FUT8: variants seen among roughly 807,000 people sequenced by gnomAD.
The protein encoded by FUT8 is alpha-(1,6)-fucosyltransferase.
FUT8 carries 29 observed loss-of-function variants against 71.3 expected under a neutral mutation model. The observed-to-expected ratio is 0.41, with a 90% CI of 0.30 to 0.55. The LOEUF (loss-of-function observed/expected upper bound fraction) is 0.55, where lower values mean the gene tolerates loss of function less well. Among genes scored for constraint, FUT8 ranks in the 20% least tolerant of loss-of-function variants. The probability of loss-of-function intolerance (pLI) is 0.34; values close to 1 mark genes in which losing one functional copy is unlikely to be tolerated. For synonymous variants in FUT8, 254 were observed against 239.3 expected, an observed-to-expected ratio of 1.06 and a Z score of -0.57; for missense variants, 544 against 702.1, an observed-to-expected ratio of 0.77 and a Z score of 2.55.
rs115404064 is a variant in FUT8 at position 65,711,366 on chromosome 14, C to G, written c.836-10409C>G. ...AAAATTTGGAGCTAGTTACACTGAA[C>G]ATTTAGAATAACCTTGCTAGGAAGA... is the stretch of plus-strand genomic sequence containing the variant. On this transcript the variant is annotated intron_variant, in intron 7 of 10. Transcript: ENST00000673929. Among the ~76,000 whole-genome samples, 370 of 152,284 alleles carry G rather than the reference C, an allele frequency of 2.4e-3. 2 individuals carry two copies. Among genetic ancestry groups the G allele is most frequent in the African/African-American group, 8.5e-3 (354 of 41,568 alleles).
chr14:65,408,697 A>G (rs1396116549), upstream of FUT8, among the ~76,000 whole-genome samples: 2 of 152,240 alleles, frequency 1.3e-5, no homozygotes, highest in African/African-American at 4.8e-5. Context: ...GAGGCAAGTC[A>G]TAGGGAGGGA....
chr14:65,722,639 G>C (rs779128531), intron 8 of FUT8, among the ~76,000 whole-genome samples: 1 of 152,088 alleles, frequency 6.6e-6, no homozygotes, highest in African/African-American at 2.4e-5. Context: ...GGAATCATTC[G>C]TTCTGCCCAC....
intron 2 of FUT8, among the ~76,000 whole-genome samples, chr14:65,535,188 C>T (rs1051324572): frequency 1.3e-5 from 2 of 151,974 alleles, no homozygotes; most frequent in African/African-American, 2.4e-5. Flanking sequence ...CAGCCTCTGC[C>T]TCCCAGGTTC....
chr14:65,589,409 A>G (rs937386732), intron 3 of FUT8, among the ~76,000 whole-genome samples: 1 of 136,386 alleles, frequency 7.3e-6, no homozygotes, highest in African/African-American at 2.7e-5. Flanking sequence ...TTTGATATTC[A>G]CCCTTTGCTT....
At chr14:65,519,777 A>AT (rs1882961006) in intron 2 of FUT8, among the ~76,000 whole-genome samples, 1 of 151,986 alleles carries the variant, frequency 6.6e-6, no homozygotes, top group South Asian at 2.1e-4. Context: ...TTTATTATTC[A>AT]TTTTTTAATA....
chr14:65,665,817 C>T (rs1892185183), intron 6 of FUT8, among the ~76,000 whole-genome samples: 1 of 152,100 alleles, frequency 6.6e-6, no homozygotes, highest in African/African-American at 2.4e-5. Flanking sequence ...TTATCCTTAG[C>T]AAACTAATGC....
intron 3 of FUT8, among the ~76,000 whole-genome samples, chr14:65,572,556 C>T (rs766133109): frequency 2.6e-5 from 4 of 151,926 alleles, no homozygotes; most frequent in Admixed American, 6.6e-5. Context: ...AGAAAATGTG[C>T]AACAATCCTT....
rs190045726 is a variant in FUT8, at chr14:65,455,119, A to G, written c.-325-502A>G. ...AGGAATGTTGTATTGCAGGGTGACA[A>G]CTGAGAATAAACAAATTGTTCTATG... On this transcript the variant is annotated intron_variant, in intron 1 of 10. Transcript: ENST00000673929. 3.3e-5 allele frequency among the ~76,000 whole-genome samples: 5 copies of G among 152,334 alleles called. No homozygotes were observed. In the East Asian group the frequency reaches 9.6e-4, roughly 29 times the overall value.
intron 7 of FUT8, among the ~76,000 whole-genome samples, chr14:65,674,310 A>G (rs992250970): frequency 6.6e-6 from 1 of 152,138 alleles, no homozygotes; most frequent in African/African-American, 2.4e-5. Flanking sequence ...TGTGAGTCTG[A>G]TCCAGTTCTG....
At chr14:65,578,604 TG>T (rs1886914976) in intron 3 of FUT8, among the ~76,000 whole-genome samples, 1 of 152,178 alleles carries the variant, frequency 6.6e-6, no homozygotes, top group Admixed American at 6.5e-5. Context: ...ATTTTATGTG[TG>T]GCCCAAGACA....
chr14:65,637,981 A>G (rs1283162387), intron 6 of FUT8, among the ~76,000 whole-genome samples: 2 of 152,182 alleles, frequency 1.3e-5, no homozygotes, highest in African/African-American at 4.8e-5. Flanking sequence ...TGCTAAAACC[A>G]CAAAGTTAAT....
intron 1 of FUT8, among the ~76,000 whole-genome samples, chr14:65,448,515 C>G (rs578259514): frequency 2.1e-4 from 32 of 152,198 alleles, no homozygotes; most frequent in Non-Finnish European, 3.5e-4. Context: ...ACTGTTTGAT[C>G]CTTGCAGTAT....
intron 7 of FUT8, among the ~76,000 whole-genome samples, chr14:65,678,869 A>C (rs915039040): frequency 6.6e-6 from 1 of 152,220 alleles, no homozygotes; most frequent in Non-Finnish European, 1.5e-5. Context: ...TCCCTTTGGT[A>C]TCTCTCTATT....
At chr14:65,378,335 G>A in the FUT8 span, among the ~76,000 whole-genome samples, 2 of 152,156 alleles carry the variant, frequency 1.3e-5, no homozygotes, top group Non-Finnish European at 2.9e-5. Flanking sequence ...GGGCCAGTGG[G>A]TAAAAAGGTT....
chr14:65,364,857 C>T, the FUT8 span, among the ~76,000 whole-genome samples: 9 of 152,074 alleles, frequency 5.9e-5, no homozygotes, highest in South Asian at 2.1e-4. Flanking sequence ...CTTCATTTTC[C>T]GCAGTGTCAC....
intron 1 of FUT8, among the ~76,000 whole-genome samples, chr14:65,430,653 A>G (rs1361499774): frequency 1.3e-5 from 2 of 152,214 alleles, no homozygotes; most frequent in African/African-American, 4.8e-5. Context: ...TTTCTTGTGT[A>G]ATCAAATACT....
the FUT8 span, among the ~76,000 whole-genome samples, chr14:65,382,422 C>T: frequency 4.6e-5 from 7 of 152,154 alleles, no homozygotes; most frequent in East Asian, 3.9e-4. Flanking sequence ...CTGAAACCTT[C>T]GCCTCCCGAG....
chr14:65,557,999 T>C (rs1258558966), intron 2 of FUT8, among the ~76,000 whole-genome samples: 1 of 152,030 alleles, frequency 6.6e-6, no homozygotes, highest in Admixed American at 6.6e-5. Context: ...ATGAAGAAAA[T>C]AAGATACATT....
At chr14:65,414,295 C>T (rs2065187182) in intron 1 of FUT8, among the ~76,000 whole-genome samples, 2 of 151,970 alleles carry the variant, frequency 1.3e-5, no homozygotes, top group Middle Eastern at 3.4e-3. Context: ...CTTGTTATTC[C>T]GGCGGTTAGG....
Sources: gnomAD v4.1 joint callset for allele counts (sites outside exome capture counted in the v4.1 genomes callset) on GRCh38, gnomAD v4.1.1 for gene constraint, MANE v1.5 for transcripts, NCBI Gene and HGNC (gene_info 2026-07-23, HGNC 2026-07-21) for gene names.